Variants in ANKRD55 observed in about 807,000 individuals in gnomAD.
ANKRD55 encodes ankyrin repeat domain-containing protein 55.
ANKRD55 carries 41 observed loss-of-function variants against 60.6 expected under a neutral mutation model. The observed-to-expected ratio is 0.68, with a 90% confidence interval of 0.53 to 0.88. The LOEUF (loss-of-function observed/expected upper bound fraction) is 0.88. Among genes scored for constraint, ANKRD55 ranks in the 40% least tolerant of loss-of-function variants. The probability of loss-of-function intolerance (pLI) is 0.00; values close to 1 mark genes in which losing one functional copy is unlikely to be tolerated. For missense variants in ANKRD55, 732 were observed against 767.6 expected (o/e 0.95, Z 0.55); for synonymous variants, 264 against 290.3 (o/e 0.91, Z 0.92).
intron 8 of ANKRD55, among the ~76,000 whole-genome samples, chr5:56,123,196 G>T (rs1438229873): frequency 2.0e-5 from 3 of 152,112 alleles, no homozygotes; most frequent in African/African-American, 7.2e-5. Flanking sequence ...TGAACCTTGG[G>T]CAGAAGGGCA....
intron 6 of ANKRD55, 23 bp downstream of exon 6, chr5:56,159,810 T>A (rs1391801834): frequency 6.2e-7 from 1 of 1,612,256 alleles, no homozygotes; most frequent in Non-Finnish European, 8.5e-7. Flanking sequence ...AATGACCACT[T>A]GTTGCTTGAG....
intron 2 of ANKRD55, among the ~76,000 whole-genome samples, chr5:56,226,923 A>G (rs1405226320): frequency 6.6e-6 from 1 of 152,220 alleles, no homozygotes; most frequent in Admixed American, 6.5e-5. Flanking sequence ...TGTGGAAGAC[A>G]GTGTGGTGAT....
At chr5:56,110,823 A>G (rs1175014794) in intron 10 of ANKRD55, among the ~76,000 whole-genome samples, 1 of 152,228 alleles carries the variant, frequency 6.6e-6, no homozygotes, top group African/African-American at 2.4e-5. Flanking sequence ...AATCCTTGCT[A>G]GTGGAAATAG....
At chr5:56,232,624 T>G (rs528875768) in intron 2 of ANKRD55, among the ~76,000 whole-genome samples, 2 of 152,182 alleles carry the variant, frequency 1.3e-5, no homozygotes, top group Non-Finnish European at 2.9e-5. Context: ...ATCATAAGCT[T>G]ATTTTTCTGT....
At chr5:56,137,671 T>C (rs574958731) in intron 7 of ANKRD55, 5 of 483,574 alleles carry the variant, frequency 1.0e-5, no homozygotes, top group African/African-American at 5.9e-5. Flanking sequence ...GAAGAAAAAA[T>C]TGATAACCTA....
At chr5:56,227,052 A>G (rs1477601081) in intron 2 of ANKRD55, among the ~76,000 whole-genome samples, 1 of 152,156 alleles carries the variant, frequency 6.6e-6, no homozygotes, top group Non-Finnish European at 1.5e-5. Context: ...TGTTTATTGC[A>G]GCACTATTCA....
At position 56,111,485 on chromosome 5, in the gene ANKRD55, C is replaced by G; in HGVS notation, c.1263G>C (p.Lys421Asn). The G allele has an allele frequency of 6.2e-7, 1 of 1,614,154 alleles. No homozygotes were observed. ...SDNSKYLLPE[K>N]KPLARKGLPP... ...GAAGCCCCTTACGGGCCAGCGGTTT[C>G]TTTTCTGGTAAGAGATATTTTGAAT... is the stretch of plus-strand genomic sequence containing the variant. Residue 421 changes from lysine (K) to asparagine (N), a missense_variant, in exon 10 of 12, where the codon AAG becomes AAC. Physicochemically the swap from Lys to Asn is moderately conservative, Grantham distance 94 (BLOSUM62 0). This residue lies in a region of ANKRD55 where 597 missense variants were observed against 607.5 expected (regional missense o/e 0.98). Coordinates refer to ENST00000341048, the MANE Select transcript of ANKRD55 (RefSeq NM_024669.3).
rs184407509 is a variant in ANKRD55 at position 56,102,304 on chromosome 5, C to T, written c.1723+190G>A. Among the ~76,000 whole-genome samples the T allele has an allele frequency of 1.1e-4, 17 of 151,810 alleles. No homozygotes were observed. In the East Asian group the frequency reaches 2.3e-3, roughly 21 times the overall value. On this transcript the variant is annotated intron_variant, in intron 11 of 11. Transcript: ENST00000341048. ...ACTTGGGAGGCTGAGGCAGGGGAAT[C>T]GCTTGAACCTGGGAGGTGGAGGTTG...
In ANKRD55 at chr5:56,100,162, T is replaced by G. The variant is rs1337183533; in HGVS notation, c.*21A>C. ...TTGAAAATACATATTCATCTACATT[T>G]CTGCAGCGAGTGGCCCACAGTTAAT... On this transcript the variant is annotated 3_prime_UTR_variant, in exon 12 of 12. Transcript: ENST00000341048. The G allele has an allele frequency of 6.2e-7, 1 of 1,614,004 alleles. No individual in the cohort carries two copies. Among genetic ancestry groups the G allele is most frequent in the African/African-American group, 1.3e-5 (1 of 74,924 alleles).
At chr5:56,215,027 A>C (rs1343549180) in intron 2 of ANKRD55, among the ~76,000 whole-genome samples, 3 of 152,188 alleles carry the variant, frequency 2.0e-5, no homozygotes, top group African/African-American at 7.2e-5. Flanking sequence ...GGAGTGGTCT[A>C]AGGGTAAAGT....
chr5:56,157,383 G>C (rs1758220379), intron 6 of ANKRD55, among the ~76,000 whole-genome samples: 1 of 152,208 alleles, frequency 6.6e-6, no homozygotes, highest in Non-Finnish European at 1.5e-5. Context: ...CATGGCAAGA[G>C]AAAGACCTGA....
chr5:56,169,477 T>C (rs757405442), intron 5 of ANKRD55, among the ~76,000 whole-genome samples: 6 of 151,984 alleles, frequency 3.9e-5, no homozygotes, highest in South Asian at 2.1e-4. Flanking sequence ...CCCCTCACGA[T>C]GTCTATTGAT....
At chr5:56,211,364 AG>A (rs1759670069) in intron 2 of ANKRD55, among the ~76,000 whole-genome samples, 1 of 152,206 alleles carries the variant, frequency 6.6e-6, no homozygotes, top group South Asian at 2.1e-4. Context: ...CTGTATGCCC[AG>A]CACTGTGTAA....
chr5:56,206,004 T>G (rs1759497885), intron 2 of ANKRD55, among the ~76,000 whole-genome samples: 1 of 149,382 alleles, frequency 6.7e-6, no homozygotes, highest in Non-Finnish European at 1.5e-5. Context: ...AGACAGAGTC[T>G]GACTCCCATC....
At chr5:56,132,041 A>C (rs941473666) in intron 7 of ANKRD55, among the ~76,000 whole-genome samples, 2 of 151,816 alleles carry the variant, frequency 1.3e-5, no homozygotes, top group Non-Finnish European at 2.9e-5. Context: ...ATATAAGCTT[A>C]TGTATGCTTA....
chr5:56,187,860 C>T (rs186596650), intron 2 of ANKRD55, among the ~76,000 whole-genome samples: 152 of 150,426 alleles, frequency 1.0e-3, no homozygotes, highest in African/African-American at 3.6e-3. Flanking sequence ...ACGAGGCTGG[C>T]TACCATCTTG....
At chr5:56,181,192 A>G (rs1758842714) in intron 3 of ANKRD55, among the ~76,000 whole-genome samples, 1 of 152,190 alleles carries the variant, frequency 6.6e-6, no homozygotes, top group African/African-American at 2.4e-5. Flanking sequence ...TGAAAGATGT[A>G]TGCTTTTTAT....
At chr5:56,151,510 T>C (rs1758043080) in intron 6 of ANKRD55, among the ~76,000 whole-genome samples, 1 of 152,096 alleles carries the variant, frequency 6.6e-6, no homozygotes, top group Non-Finnish European at 1.5e-5. Context: ...ATATAACATA[T>C]CTAGATATAA....
chr5:56,146,085 C>A (rs146308532), intron 6 of ANKRD55, among the ~76,000 whole-genome samples: 1 of 152,106 alleles, frequency 6.6e-6, no homozygotes, highest in Non-Finnish European at 1.5e-5. Context: ...CCATTTGCTT[C>A]ATTGCAAATG....
Sources: allele counts gnomAD v4.1 joint callset (sites outside exome capture counted in the v4.1 genomes callset), GRCh38; gene constraint gnomAD v4.1.1; regional missense constraint gnomAD v4.1.1; transcripts MANE v1.5; gene names NCBI Gene and HGNC (gene_info 2026-07-23, HGNC 2026-07-21).